Variants in USP32 observed in about 807,000 individuals in gnomAD.
USP32 encodes ubiquitin specific peptidase 32, also known as ubiquitin carboxyl-terminal hydrolase 32.
A neutral mutation model predicts 204.8 loss-of-function variants in USP32; 59 were observed. The observed-to-expected ratio is 0.29, with a 90% CI of 0.23 to 0.36. The LOEUF (loss-of-function observed/expected upper bound fraction) is 0.36, where lower values mean the gene tolerates loss of function less well. USP32 is among the 10% of genes least tolerant of loss of function. The pLI is 1.00. For missense variants in USP32, 1,160 were observed against 1,946.4 expected (o/e 0.60, Z 7.60); for synonymous variants, 517 against 678.4 (o/e 0.76, Z 3.70).
At chr17:60,199,677 T>C (rs1476296973) in intron 26 of USP32, among the ~76,000 whole-genome samples, 4 of 152,228 alleles carry the variant, frequency 2.6e-5, no homozygotes, top group Non-Finnish European at 5.9e-5. Flanking sequence ...TCATTTAAGC[T>C]TAAATACATA....
At chr17:60,184,001 C>T (rs193118259) in intron 30 of USP32, among the ~76,000 whole-genome samples, 7 of 152,088 alleles carry the variant, frequency 4.6e-5, no homozygotes, top group East Asian at 3.9e-4. Flanking sequence ...AAGGTCTACC[C>T]GTCAGCCGGG....
At chr17:60,351,257 A>G (rs1041753354) in intron 1 of USP32, among the ~76,000 whole-genome samples, 5 of 152,070 alleles carry the variant, frequency 3.3e-5, no homozygotes, top group Non-Finnish European at 5.9e-5. Flanking sequence ...CCAAACCCCC[A>G]TCACTTTCAC....
intron 15 of USP32, among the ~76,000 whole-genome samples, chr17:60,220,269 T>C (rs561209848): frequency 1.3e-5 from 2 of 152,292 alleles, no homozygotes; most frequent in South Asian, 2.1e-4. Context: ...TGTGTAAGTA[T>C]ACTACTCTCA....
At chr17:60,337,055 C>T (rs747339627) in intron 2 of USP32, among the ~76,000 whole-genome samples, 9 of 152,202 alleles carry the variant, frequency 5.9e-5, no homozygotes, top group Admixed American at 6.5e-5. Context: ...GCCCTTAATG[C>T]TGGTAAGTCC....
At chr17:60,287,936 AC>A (rs1480714710) in intron 5 of USP32, among the ~76,000 whole-genome samples, 2 of 151,840 alleles carry the variant, frequency 1.3e-5, no homozygotes, top group African/African-American at 4.8e-5. Context: ...ACATGGTGAA[AC>A]CCTGACTCTA....
At chr17:60,362,856 A>G (rs895524602) in intron 1 of USP32, among the ~76,000 whole-genome samples, 1 of 152,080 alleles carries the variant, frequency 6.6e-6, no homozygotes, top group Admixed American at 6.5e-5. Flanking sequence ...AAAAAACAAA[A>G]AACACCTTAG....
At chr17:60,318,919 A>C (rs1305453301) in intron 2 of USP32, among the ~76,000 whole-genome samples, 1 of 152,258 alleles carries the variant, frequency 6.6e-6, no homozygotes, top group Non-Finnish European at 1.5e-5. Context: ...CATAAAAAGG[A>C]ATGAAGTTCT....
At chr17:60,213,938 GT>G (rs1262702476) in intron 17 of USP32, among the ~76,000 whole-genome samples, 8 of 149,130 alleles carry the variant, frequency 5.4e-5, no homozygotes, top group African/African-American at 2.0e-4. Flanking sequence ...AATACGTTTT[GT>G]TTTTTGTTTT....
intron 27 of USP32, among the ~76,000 whole-genome samples, chr17:60,193,381 T>C (rs961840691): frequency 6.6e-6 from 1 of 152,254 alleles, no homozygotes; most frequent in African/African-American, 2.4e-5. Context: ...TGGTACATGC[T>C]AAGTACTGCC....
At chr17:60,282,248 C>A (rs1459605776) in intron 5 of USP32, among the ~76,000 whole-genome samples, 1 of 152,202 alleles carries the variant, frequency 6.6e-6, no homozygotes, top group East Asian at 1.9e-4. Context: ...TATCTGATAT[C>A]ATTTAGCTAA....
chr17:60,416,987 G>A (rs910753320), intron 1 of USP32, among the ~76,000 whole-genome samples: 1 of 148,226 alleles, frequency 6.7e-6, no homozygotes, highest in African/African-American at 2.5e-5. Context: ...GTGTGATCTC[G>A]GCTCACTGCA....
intron 24 of USP32, among the ~76,000 whole-genome samples, chr17:60,207,335 T>G (rs1319817050): frequency 1.3e-5 from 2 of 152,144 alleles, no homozygotes; most frequent in East Asian, 1.9e-4. Context: ...AACTATTATC[T>G]CTTTTCACAG....
chr17:60,415,047 G>C (rs1194075304), intron 1 of USP32, among the ~76,000 whole-genome samples: 1 of 152,000 alleles, frequency 6.6e-6, no homozygotes, highest in Non-Finnish European at 1.5e-5. Context: ...TCTGTTTATA[G>C]TCCTCTATAA....
At chr17:60,243,509 G>A (rs2085932304) in intron 11 of USP32, among the ~76,000 whole-genome samples, 1 of 152,184 alleles carries the variant, frequency 6.6e-6, no homozygotes, top group Admixed American at 6.5e-5. Context: ...TTTTTAGAGT[G>A]AGGAATTTCC....
At chr17:60,281,748 G>T (rs966546232) in intron 5 of USP32, among the ~76,000 whole-genome samples, 1 of 152,152 alleles carries the variant, frequency 6.6e-6, no homozygotes, top group Non-Finnish European at 1.5e-5. Context: ...GTGACACAGA[G>T]GTTGAAGAAC....
chr17:60,271,952 C>T (rs560869793), intron 5 of USP32, among the ~76,000 whole-genome samples: 1 of 152,172 alleles, frequency 6.6e-6, no homozygotes, highest in South Asian at 2.1e-4. Flanking sequence ...GCTAGGACTA[C>T]ATGTGTACGC....
At chr17:60,226,260 GCAAAGTTTATAATCTGA>G in intron 12 of USP32, 29 bp from the exon 13 acceptor site, 1 of 1,504,020 alleles carries the variant, frequency 6.6e-7, no homozygotes, top group Non-Finnish European at 8.8e-7. Context: ...AGAATAAGAA[GCAAAGTTTATAATCTGA>G]CAACTATGTA....
chr17:60,325,171 T>C lies in USP32; in HGVS notation c.186+20310A>G, dbSNP rs533647673. 4.2e-4 allele frequency among the ~76,000 whole-genome samples: 64 copies of C among 152,304 alleles called. 1 individual carries two copies. In the East Asian group the frequency reaches 0.012, roughly 28 times the overall value. On this transcript the variant is annotated intron_variant, in intron 2 of 33. Transcript: ENST00000300896. ...GCTCACACTTGTAATCCCAGCATTT[T>C]GGGAGCCTGAGGAGGGCAGATCACT... is the stretch of plus-strand genomic sequence containing the variant.
chr17:60,250,268 T>C (rs1435838346), intron 11 of USP32, among the ~76,000 whole-genome samples: 1 of 152,134 alleles, frequency 6.6e-6, no homozygotes, highest in African/African-American at 2.4e-5. Context: ...ATAATGTAAC[T>C]ACATGTATTT....
Sources: gnomAD v4.1 joint callset for allele counts (sites outside exome capture counted in the v4.1 genomes callset) on GRCh38, gnomAD v4.1.1 for gene constraint, MANE v1.5 for transcripts, NCBI Gene and HGNC (gene_info 2026-07-23, HGNC 2026-07-21) for gene names.